The following PCDH11X variants were observed in gnomAD, a reference collection of about 807,000 sequenced individuals.
PCDH11X encodes the protein protocadherin-11 X-linked.
PCDH11X carries 18 observed loss-of-function variants against 53.3 expected under a neutral mutation model. That is an observed-to-expected ratio of 0.34 (90% CI 0.23 to 0.50). PCDH11X has a LOEUF of 0.50. PCDH11X is among the 20% of genes least tolerant of loss of function. The probability of loss-of-function intolerance (pLI) is 0.98; values close to 1 mark genes in which losing one functional copy is unlikely to be tolerated. For missense variants in PCDH11X, 570 were observed against 1,032.4 expected, an observed-to-expected ratio of 0.55 and a Z score of 6.14; for synonymous variants, 279 against 393.3, an observed-to-expected ratio of 0.71 and a Z score of 3.44.
At chrX:91,785,868 C>T (rs1935321074) in intron 1 of PCDH11X, among the ~76,000 whole-genome samples, 1 of 110,892 alleles carries the variant, frequency 9.0e-6, no homozygotes, top group African/African-American at 3.3e-5. Context: ...ATCAAATGAC[C>T]TATGTGTCAT....
At chrX:92,288,596 T>A (rs1408724157) in intron 8 of PCDH11X, among the ~76,000 whole-genome samples, 1 of 111,014 alleles carries the variant, frequency 9.0e-6, no homozygotes, top group Non-Finnish European at 1.9e-5. Flanking sequence ...TATCTGTTTA[T>A]TTTTACTGTT....
rs760679506 is a variant in PCDH11X, at chrX:91,995,073, TA to T, written c.3033+115801del. Among the ~76,000 whole-genome samples the T allele has an allele frequency of 2.9e-4, 32 of 111,186 alleles. No homozygotes were observed. In the East Asian group the frequency reaches 7.9e-3, roughly 27 times the overall value. On this transcript the variant is annotated intron_variant, in intron 6 of 10. Coordinates refer to ENST00000682573, the MANE Select transcript of PCDH11X (RefSeq NM_032968.5). Reference sequence around the variant, plus strand: ...TTTTAGATATTAACCCCTTATCAGATATGTGATTTGTAAATATGTCCTCCTA... The same window carrying T: ...TTTTAGATATTAACCCCTTATCAGATTGTGATTTGTAAATATGTCCTCCTA...
chrX:92,473,042 T>G (rs1026116633), intron 10 of PCDH11X, among the ~76,000 whole-genome samples: 2 of 98,888 alleles, frequency 2.0e-5, no homozygotes, highest in African/African-American at 3.7e-5. Context: ...TTTTTGTTTG[T>G]TTTTTTTTTT....
chrX:91,983,040 A>C, intron 6 of PCDH11X: 8 of 1,192,420 alleles, frequency 6.7e-6, no homozygotes, highest in Non-Finnish European at 9.1e-6. Context: ...CTCAAAATTC[A>C]TCTGGTAGCC....
chrX:92,453,454 T>C (rs2072843437), intron 9 of PCDH11X, among the ~76,000 whole-genome samples: 1 of 111,272 alleles, frequency 9.0e-6, no homozygotes, highest in Admixed American at 9.6e-5. Flanking sequence ...AATGTAATGG[T>C]AGAGATGTGA....
chrX:92,325,046 T>G lies in PCDH11X; in HGVS notation c.3144+61903T>G, dbSNP rs1209460429. Among the ~76,000 whole-genome samples the G allele has an allele frequency of 4.5e-5, 5 of 111,944 alleles. No homozygotes were observed. In the East Asian group the frequency reaches 1.1e-3, roughly 25 times the overall value. On this transcript the variant is annotated intron_variant, in intron 8 of 10. Coordinates refer to ENST00000682573, the MANE Select transcript of PCDH11X (RefSeq NM_032968.5). ...GTTGCATGGTAGTCCATGCATTTTC[T>G]TATCCAGTCTGCCATTGATAGGCAC...
intron 10 of PCDH11X, among the ~76,000 whole-genome samples, chrX:92,614,190 T>G (rs1927713487): frequency 9.0e-6 from 1 of 111,174 alleles, no homozygotes; most frequent in African/African-American, 3.3e-5. Context: ...AATTCTATGG[T>G]GATGTCACTG....
intron 9 of PCDH11X, among the ~76,000 whole-genome samples, chrX:92,412,534 T>TAG (rs1569482932): frequency 2.0e-5 from 1 of 49,664 alleles, no homozygotes; most frequent in African/African-American, 7.1e-5. Flanking sequence ...TATATATATA[T>TAG]ATATATATAT....
At chrX:92,137,073 A>G (rs2065095586) in intron 6 of PCDH11X, among the ~76,000 whole-genome samples, 1 of 107,417 alleles carries the variant, frequency 9.3e-6, no homozygotes, top group African/African-American at 3.4e-5. Context: ...GGCTCACTGA[A>G]GCCTCAAACT....
At chrX:91,931,280 G>T (rs1304271916) in intron 6 of PCDH11X, among the ~76,000 whole-genome samples, 6 of 110,096 alleles carry the variant, frequency 5.4e-5, no homozygotes, top group African/African-American at 9.9e-5. Context: ...ATAATAAGGG[G>T]CAGTAAAACT....
intron 10 of PCDH11X, among the ~76,000 whole-genome samples, chrX:92,558,510 T>C (rs946388561): frequency 3.6e-5 from 4 of 111,597 alleles, no homozygotes; most frequent in African/African-American, 1.3e-4. Context: ...TGCTTGAAGT[T>C]CTATATGGAA....
intron 6 of PCDH11X, among the ~76,000 whole-genome samples, chrX:92,072,455 T>C (rs1415575799): frequency 9.0e-6 from 1 of 111,473 alleles, no homozygotes; most frequent in Non-Finnish European, 1.9e-5. Flanking sequence ...GTGTAGTACC[T>C]GGGTATCACT....
chrX:92,085,385 T>A (rs185583534), intron 6 of PCDH11X, among the ~76,000 whole-genome samples: 4 of 109,426 alleles, frequency 3.7e-5, no homozygotes, highest in African/African-American at 1.3e-4. Context: ...AAATTAACCT[T>A]TCATTGGGTC....
chrX:91,850,397 C>T (rs1346953578), intron 5 of PCDH11X, among the ~76,000 whole-genome samples: 1 of 111,157 alleles, frequency 9.0e-6, no homozygotes, highest in Non-Finnish European at 1.9e-5. Context: ...CAATTAGATG[C>T]TGTGATAACA....
intron 6 of PCDH11X, among the ~76,000 whole-genome samples, chrX:92,012,871 T>G (rs1000046981): frequency 2.7e-5 from 3 of 111,670 alleles, no homozygotes; most frequent in Non-Finnish European, 5.6e-5. Context: ...TGTAGCTTAT[T>G]AAGTGTGCAA....
At chrX:91,950,800 T>C (rs1198866843) in intron 6 of PCDH11X, among the ~76,000 whole-genome samples, 3 of 109,954 alleles carry the variant, frequency 2.7e-5, no homozygotes, top group Non-Finnish European at 5.7e-5. Context: ...TTGTTCCTTC[T>C]GTATTCCTAA....
At chrX:92,324,922 G>T (rs1056629487) in intron 8 of PCDH11X, among the ~76,000 whole-genome samples, 29 of 107,032 alleles carry the variant, frequency 2.7e-4, no homozygotes, top group African/African-American at 9.9e-4. Flanking sequence ...ATGAGAACAT[G>T]AGATATTTGG....
intron 5 of PCDH11X, among the ~76,000 whole-genome samples, chrX:91,853,847 A>T (rs1298216653): frequency 6.3e-5 from 7 of 111,346 alleles, no homozygotes; most frequent in East Asian, 2.8e-4. Context: ...TAATGTATTT[A>T]CTTTTTTCTT....
intron 10 of PCDH11X, among the ~76,000 whole-genome samples, chrX:92,470,344 C>A (rs1437145459): frequency 1.0e-5 from 1 of 100,256 alleles, no homozygotes; most frequent in African/African-American, 3.6e-5. Context: ...TAATCATTTT[C>A]TTGTGGACTC....
Sources: gnomAD v4.1 joint callset for allele counts (sites outside exome capture counted in the v4.1 genomes callset) on GRCh38, gnomAD v4.1.1 for gene constraint, MANE v1.5 for transcripts, NCBI Gene and HGNC (gene_info 2026-07-23, HGNC 2026-07-21) for gene names.